GTSF1: variants seen among roughly 807,000 people sequenced by gnomAD.
GTSF1 encodes gametocyte-specific factor 1.
In GTSF1, 11 loss-of-function variants were observed where a neutral mutation model predicts 28.9. The ratio of observed to expected loss-of-function variants is 0.38; its 90% confidence interval spans 0.24 to 0.63. The LOEUF (loss-of-function observed/expected upper bound fraction) is 0.63. Among genes scored for constraint, GTSF1 ranks in the 30% least tolerant of loss-of-function variants. The pLI, the probability that GTSF1 is intolerant of heterozygous loss-of-function variation, is 0.56. For synonymous variants in GTSF1, 69 were observed against 65.6 expected (o/e 1.05, Z -0.25); for missense variants, 146 against 201.0 (o/e 0.73, Z 1.66).
Position 54,471,278 on chromosome 12 carries a change from C to G in GTSF1, c.-29-1G>C. 1 of 1,583,384 alleles carries G rather than the reference C, an allele frequency of 6.3e-7. No homozygotes were observed. The highest frequency in any genetic ancestry group is 8.6e-7 in the Non-Finnish European group (1 of 1,165,872). On this transcript the variant is annotated splice_acceptor_variant, in intron 1 of 8. Transcript: ENST00000305879. LOFTEE classifies it low-confidence loss of function (5UTR_SPLICE). ...GAAATGAAGAAGCTGAATCCAAGTG[C>G]TGGAAAAAACAAAAGTGTGATTCAG...
chr12:54,464,443 T>C (rs758442854), intron 3 of GTSF1, among the ~76,000 whole-genome samples: 1 of 152,226 alleles, frequency 6.6e-6, no homozygotes, highest in Non-Finnish European at 1.5e-5. Context: ...ACCTCAATTG[T>C]TTCCCAAGCA....
chr12:54,462,855 A>T (rs1039282532), intron 4 of GTSF1, 130 bp from the exon 5 acceptor site: 3 of 676,334 alleles, frequency 4.4e-6, no homozygotes, highest in Non-Finnish European at 7.4e-6. Flanking sequence ...GATAGTATAA[A>T]AGCTAAAAGA....
chr12:54,463,402 T>C, intron 3 of GTSF1, 105 bp from the exon 4 acceptor site: 1 of 1,024,624 alleles, frequency 9.8e-7, no homozygotes, highest in Non-Finnish European at 1.5e-6. Flanking sequence ...AATTCCTCAA[T>C]AAACTTCTGG....
At chr12:54,463,064 GTTC>G in intron 4 of GTSF1, 104 bp downstream of exon 4, 1 of 1,099,760 alleles carries the variant, frequency 9.1e-7, no homozygotes, top group Middle Eastern at 2.9e-4. Context: ...GAAAAGTATT[GTTC>G]TTCTAAAACA....
intron 3 of GTSF1, among the ~76,000 whole-genome samples, chr12:54,463,835 C>T (rs1045516486): frequency 2.6e-5 from 4 of 152,168 alleles, no homozygotes; most frequent in South Asian, 2.1e-4. Flanking sequence ...GCTTACTTAA[C>T]GTAATGATGC....
At chr12:54,470,790 T>C (rs1956584543) in intron 2 of GTSF1, among the ~76,000 whole-genome samples, 1 of 152,254 alleles carries the variant, frequency 6.6e-6, no homozygotes. Flanking sequence ...CTTTTGGTTC[T>C]ACACTTGTAT....
intron 1 of GTSF1, chr12:54,472,307 G>A (rs1322457061): frequency 6.6e-6 from 1 of 152,114 alleles, no homozygotes; most frequent in Non-Finnish European, 1.5e-5. Context: ...TTCTAGTGAG[G>A]TTTCACCTCC....
chr12:54,464,186 T>C (rs573641275), intron 3 of GTSF1, among the ~76,000 whole-genome samples: 29 of 152,274 alleles, frequency 1.9e-4, no homozygotes, highest in African/African-American at 3.6e-4. Flanking sequence ...TTAAGAACAT[T>C]AGAAGAAGGG....
intron 6 of GTSF1, 152 bp from the exon 7 acceptor site, chr12:54,460,623 C>T: frequency 3.2e-6 from 2 of 616,570 alleles, no homozygotes; most frequent in African/African-American, 3.7e-5. Context: ...AACGTTCCGG[C>T]AATTAGAATG....
intron 2 of GTSF1, among the ~76,000 whole-genome samples, chr12:54,467,171 T>C (rs73121156): frequency 2.6e-5 from 4 of 152,306 alleles, no homozygotes; most frequent in Non-Finnish European, 5.9e-5. Flanking sequence ...CATTACTTTT[T>C]GTTTTGGTGA....
chr12:54,465,287 G>T, intron 2 of GTSF1, 120 bp from the exon 3 acceptor site: 1 of 514,830 alleles, frequency 1.9e-6, no homozygotes, highest in Non-Finnish European at 3.5e-6. Context: ...ATAGTCTAAA[G>T]AAAACTTGGA....
chr12:54,459,813 G>A (rs1343665142), intron 7 of GTSF1, among the ~76,000 whole-genome samples: 4 of 130,962 alleles, frequency 3.1e-5, no homozygotes, highest in African/African-American at 1.2e-4. Flanking sequence ...TGCAAGCTCC[G>A]CCTCCCGGGT....
chr12:54,465,059 G>T lies in GTSF1; in HGVS notation c.117+8C>A. ...AGGAGGGTGTTAGAGGGCAAATTAT[G>T]ACCCTACCTTTCTGCACTTGATAAG... is the stretch of plus-strand genomic sequence containing the variant. On this transcript the variant is annotated splice_region_variant and intron_variant, in intron 3 of 8. Transcript: ENST00000305879. 2 of 1,599,466 alleles carry T rather than the reference G, an allele frequency of 1.3e-6. No homozygotes were observed. Among genetic ancestry groups the T allele is most frequent in the South Asian group, 2.2e-5 (2 of 90,496 alleles).
chr12:54,472,135 G>T (rs1355834989), intron 1 of GTSF1: 1 of 152,050 alleles, frequency 6.6e-6, no homozygotes, highest in Non-Finnish European at 1.5e-5. Context: ...ATACAGATAG[G>T]CAGGTTACCA....
intron 4 of GTSF1, 27 bp downstream of exon 4, chr12:54,463,144 T>C: frequency 6.2e-7 from 1 of 1,607,584 alleles, no homozygotes; most frequent in Non-Finnish European, 8.5e-7. Context: ...CCTCCAGTAC[T>C]GAAATATTTT....
chr12:54,460,547 G>GT, intron 6 of GTSF1, 76 bp from the exon 7 acceptor site: 9 of 984,404 alleles, frequency 9.1e-6, no homozygotes, highest in East Asian at 2.5e-5. Flanking sequence ...ATCAAAATGT[G>GT]TTTTTTGTAA....
intron 7 of GTSF1, 29 bp downstream of exon 7, chr12:54,460,348 T>C (rs1275501026): frequency 2.0e-6 from 3 of 1,483,662 alleles, no homozygotes; most frequent in African/African-American, 1.4e-5. Flanking sequence ...ATGAAAAGAG[T>C]AAAACTATTT....
intron 6 of GTSF1, among the ~76,000 whole-genome samples, chr12:54,461,003 C>T (rs1956412354): frequency 6.6e-6 from 1 of 152,146 alleles, no homozygotes; most frequent in South Asian, 2.1e-4. Flanking sequence ...GCATCTTATT[C>T]CTTCATTTCC....
chr12:54,466,595 T>C (rs1956515429), intron 2 of GTSF1, among the ~76,000 whole-genome samples: 2 of 152,160 alleles, frequency 1.3e-5, no homozygotes, highest in Admixed American at 1.3e-4. Context: ...TTTCCCCTGA[T>C]TTAATCCATT....
Sources: allele counts gnomAD v4.1 joint callset (sites outside exome capture counted in the v4.1 genomes callset), GRCh38; gene constraint gnomAD v4.1.1; transcripts MANE v1.5; gene names NCBI Gene and HGNC (gene_info 2026-07-23, HGNC 2026-07-21).